Variants in MYT1L observed in about 807,000 individuals in gnomAD.
The protein encoded by MYT1L is myelin transcription factor 1-like protein.
In MYT1L, 12 loss-of-function variants were observed where a neutral mutation model predicts 126.7. That is an observed-to-expected ratio of 0.09 (90% CI 0.06 to 0.15). The LOEUF is 0.15. Ranked by LOEUF, MYT1L falls within the 10% of genes least tolerant of loss-of-function variation. The pLI, the probability that MYT1L is intolerant of heterozygous loss-of-function variation, is 1.00. For missense variants in MYT1L, 979 were observed against 1,585.2 expected (o/e 0.62, Z 6.49); for synonymous variants, 541 against 604.2 (o/e 0.90, Z 1.53).
intron 2 of MYT1L, among the ~76,000 whole-genome samples, chr2:2,264,831 A>C (rs561392110): frequency 6.6e-6 from 1 of 152,320 alleles, no homozygotes; most frequent in African/African-American, 2.4e-5. Flanking sequence ...CAATGGACCC[A>C]AATCAATTCA....
In MYT1L at chr2:1,823,686, G is replaced by A. The variant is rs558440255; in HGVS notation, c.3081-14519C>T. On this transcript the variant is annotated intron_variant, in intron 21 of 24. Transcript: ENST00000647738. ...AGGCTGAGTGCCTGTAGGAAGACCC[G>A]TGGCTGGCCGCATGTTCAGCCCTGC... 9.2e-5 allele frequency among the ~76,000 whole-genome samples: 14 copies of A among 151,908 alleles called. No individual in the cohort carries two copies. The East Asian group carries it at 1.9e-3, about 21-fold the overall frequency.
intron 14 of MYT1L, among the ~76,000 whole-genome samples, chr2:1,896,540 G>C (rs751281913): frequency 1.4e-4 from 21 of 152,236 alleles, no homozygotes; most frequent in Non-Finnish European, 2.5e-4. Context: ...GTCATTTGCA[G>C]TAACATGGAT....
At chr2:1,872,235 T>C (rs2046365861) in intron 18 of MYT1L, among the ~76,000 whole-genome samples, 1 of 152,156 alleles carries the variant, frequency 6.6e-6, no homozygotes, top group African/African-American at 2.4e-5. Context: ...CCCCCAGTCA[T>C]CCACCAGGGC....
At chr2:2,090,095 C>T (rs549079169) in intron 3 of MYT1L, among the ~76,000 whole-genome samples, 2 of 152,280 alleles carry the variant, frequency 1.3e-5, no homozygotes, top group East Asian at 3.9e-4. Context: ...GAGTCACATC[C>T]TATAAAGTCA....
intron 8 of MYT1L, among the ~76,000 whole-genome samples, chr2:1,961,556 C>G (rs1445921938): frequency 2.6e-5 from 4 of 152,206 alleles, no homozygotes; most frequent in Non-Finnish European, 4.4e-5. Flanking sequence ...TGGGCCTCTG[C>G]CATCGGGCTT....
intron 4 of MYT1L, among the ~76,000 whole-genome samples, chr2:2,003,352 CTCCAAGT>C (rs1186969321): frequency 6.6e-6 from 1 of 152,128 alleles, no homozygotes; most frequent in East Asian, 1.9e-4. Context: ...CAGCCTTCTC[CTCCAAGT>C]TCCCTGTGAC....
chr2:1,820,362 T>C (rs928961353), intron 21 of MYT1L, among the ~76,000 whole-genome samples: 11 of 152,218 alleles, frequency 7.2e-5, no homozygotes, highest in Admixed American at 1.3e-4. Context: ...TCTCTTTCTC[T>C]GTATCCCCAC....
intron 18 of MYT1L, among the ~76,000 whole-genome samples, chr2:1,874,230 G>A (rs1268963310): frequency 1.3e-5 from 2 of 151,940 alleles, no homozygotes; most frequent in African/African-American, 4.8e-5. Context: ...AAATGTAGGA[G>A]GTGAATATGA....
At chr2:1,942,158 T>C (rs2056723017) in intron 9 of MYT1L, among the ~76,000 whole-genome samples, 1 of 152,092 alleles carries the variant, frequency 6.6e-6, no homozygotes, top group African/African-American at 2.4e-5. Flanking sequence ...TAGCTAGGCT[T>C]TGCAAAAAAA....
chr2:2,242,171 A>T (rs913351028), intron 2 of MYT1L, among the ~76,000 whole-genome samples: 1 of 152,262 alleles, frequency 6.6e-6, no homozygotes, highest in Admixed American at 6.5e-5. Context: ...GTTCATTATT[A>T]GGAAGCTTAA....
chr2:2,005,781 T>TGC (rs2063238617), intron 4 of MYT1L, among the ~76,000 whole-genome samples: 1 of 147,736 alleles, frequency 6.8e-6, no homozygotes, highest in African/African-American at 2.5e-5. Context: ...CCTTCTTTCC[T>TGC]GTGTGCGTTC....
At chr2:1,883,565 A>G (rs1011854645) in intron 18 of MYT1L, among the ~76,000 whole-genome samples, 1 of 152,064 alleles carries the variant, frequency 6.6e-6, no homozygotes, top group Admixed American at 6.6e-5. Flanking sequence ...ATTTGCACAA[A>G]TGTATTCTTT....
At chr2:2,294,394 C>A (rs981270930) in intron 1 of MYT1L, among the ~76,000 whole-genome samples, 1 of 152,108 alleles carries the variant, frequency 6.6e-6, no homozygotes, top group African/African-American at 2.4e-5. Flanking sequence ...AGAGAGTTGG[C>A]AAGGACTGAG....
Position 1,947,726 on chromosome 2 carries a change from G to C in MYT1L, c.153-4392C>G, listed in dbSNP as rs553549471. ...AGGAAGAGGGACAATAAATAAGCAA[G>C]AGTAGAAAAAAAATAGTTGATCAAG... is the stretch of plus-strand genomic sequence containing the variant. On this transcript the variant is annotated intron_variant, in intron 8 of 24. Coordinates refer to ENST00000647738, the MANE Select transcript of MYT1L (RefSeq NM_001303052.2). Among the ~76,000 whole-genome samples the C allele has an allele frequency of 9.2e-5, 14 of 152,300 alleles. No homozygotes were observed. In the South Asian group the frequency reaches 2.7e-3, roughly 29 times the overall value.
At chr2:2,196,620 G>A (rs2092810856) in intron 2 of MYT1L, among the ~76,000 whole-genome samples, 1 of 151,694 alleles carries the variant, frequency 6.6e-6, no homozygotes, top group African/African-American at 2.4e-5. Context: ...CAAATAGGGG[G>A]AAGTAGTTGG....
chr2:2,279,178 G>T (rs770560305), intron 2 of MYT1L, among the ~76,000 whole-genome samples: 8 of 152,176 alleles, frequency 5.3e-5, no homozygotes, highest in Non-Finnish European at 1.0e-4. Context: ...CAGTTGTGAT[G>T]CTGTAAGGCC....
intron 1 of MYT1L, among the ~76,000 whole-genome samples, chr2:2,302,455 G>C (rs560501562): frequency 1.3e-5 from 2 of 152,272 alleles, no homozygotes; most frequent in South Asian, 4.1e-4. Flanking sequence ...CTTTTCCTTT[G>C]AAATGGTGAG....
intron 3 of MYT1L, among the ~76,000 whole-genome samples, chr2:2,159,595 CT>C (rs2087471460): frequency 6.6e-6 from 1 of 152,056 alleles, no homozygotes; most frequent in African/African-American, 2.4e-5. Context: ...AGATTGCCGA[CT>C]AGGAGGTGGC....
rs1395189209 is a variant in MYT1L, at chr2:2,183,936, A to AAAGG, written c.-420-10952_-420-10949dup. Among the ~76,000 whole-genome samples, 25 of 149,538 alleles carry AAAGG rather than the reference A, an allele frequency of 1.7e-4. 1 individual carries two copies. Among genetic ancestry groups the AAAGG allele is most frequent in the Admixed American group, 1.7e-3 (25 of 15,012 alleles). ...GGAAGGAGAGAGAGGAAGGAAGAAA[A>AAAGG]AAGGAAGGAAGGAAGAAAGGGAGGG... On this transcript the variant is annotated intron_variant, in intron 2 of 24. Transcript: ENST00000647738.
Sources: gnomAD v4.1 joint callset for allele counts (sites outside exome capture counted in the v4.1 genomes callset) on GRCh38, gnomAD v4.1.1 for gene constraint, MANE v1.5 for transcripts, NCBI Gene and HGNC (gene_info 2026-07-23, HGNC 2026-07-21) for gene names.